DCC: variants seen among roughly 807,000 people sequenced by gnomAD.
DCC encodes netrin receptor DCC.
DCC carries 58 observed loss-of-function variants against 172.5 expected under a neutral mutation model. The ratio of observed to expected loss-of-function variants is 0.34; its 90% CI spans 0.27 to 0.42. The LOEUF (loss-of-function observed/expected upper bound fraction) is 0.42. DCC is among the 10% of genes least tolerant of loss of function. DCC has a pLI of 1.00. For synonymous variants in DCC, 709 were observed against 644.5 expected, an observed-to-expected ratio of 1.10 and a Z score of -1.52; for missense variants, 1,740 against 1,791.0, an observed-to-expected ratio of 0.97 and a Z score of 0.51.
intron 5 of DCC, among the ~76,000 whole-genome samples, chr18:53,034,108 C>T (rs1222640392): frequency 6.6e-6 from 1 of 151,892 alleles, no homozygotes; most frequent in Non-Finnish European, 1.5e-5. Flanking sequence ...AGATGATATT[C>T]TTCAGTCTCT....
At chr18:52,784,541 C>T (rs77105189) in intron 2 of DCC, among the ~76,000 whole-genome samples, 1 of 151,898 alleles carries the variant, frequency 6.6e-6, no homozygotes, top group Non-Finnish European at 1.5e-5. Context: ...ACAGTATATA[C>T]GGGTTCAATT....
At chr18:52,531,377 T>C (rs1282489997) in intron 1 of DCC, among the ~76,000 whole-genome samples, 2 of 152,236 alleles carry the variant, frequency 1.3e-5, no homozygotes, top group Admixed American at 6.5e-5. Context: ...AGTTCTCTTC[T>C]ACATTTGCCA....
intron 12 of DCC, among the ~76,000 whole-genome samples, chr18:53,271,378 G>T (rs1272467733): frequency 1.3e-5 from 2 of 152,176 alleles, no homozygotes; most frequent in East Asian, 1.9e-4. Flanking sequence ...TACATCATCT[G>T]CCAGTTCCTA....
intron 2 of DCC, among the ~76,000 whole-genome samples, chr18:52,811,718 A>G (rs1182859180): frequency 6.6e-6 from 1 of 152,138 alleles, no homozygotes; most frequent in Non-Finnish European, 1.5e-5. Context: ...GTAGCTTTTC[A>G]TTATTTTTAT....
intron 15 of DCC, among the ~76,000 whole-genome samples, chr18:53,342,746 T>C (rs2057675125): frequency 1.5e-5 from 2 of 132,590 alleles, no homozygotes; most frequent in Non-Finnish European, 1.7e-5. Context: ...TATATATATA[T>C]ATGGATATAA....
intron 2 of DCC, among the ~76,000 whole-genome samples, chr18:52,875,096 A>G (rs913616367): frequency 2.0e-5 from 3 of 152,080 alleles, no homozygotes; most frequent in African/African-American, 2.4e-5. Context: ...CATCAACGCA[A>G]TGTTCCAGGC....
chr18:53,227,454 G>T (rs926119704), intron 12 of DCC, among the ~76,000 whole-genome samples: 1 of 152,022 alleles, frequency 6.6e-6, no homozygotes, highest in East Asian at 1.9e-4. Flanking sequence ...GCCTCCATTA[G>T]TTTTCCAAAG....
At chr18:52,788,861 G>A (rs917354055) in intron 2 of DCC, among the ~76,000 whole-genome samples, 2 of 152,124 alleles carry the variant, frequency 1.3e-5, no homozygotes, top group African/African-American at 4.8e-5. Context: ...AAAGGAGGGA[G>A]AGCCTATGGG....
At chr18:52,668,338 T>G (rs1242517931) in intron 1 of DCC, among the ~76,000 whole-genome samples, 2 of 152,200 alleles carry the variant, frequency 1.3e-5, no homozygotes, top group African/African-American at 4.8e-5. Flanking sequence ...GCTAATAAGA[T>G]TTTAGATTTT....
intron 5 of DCC, among the ~76,000 whole-genome samples, chr18:52,991,656 G>A (rs908076746): frequency 1.3e-5 from 2 of 152,022 alleles, no homozygotes; most frequent in African/African-American, 2.4e-5. Context: ...TTACCCTCTC[G>A]ATTGGTACTG....
At chr18:53,449,764 T>C (rs1331781206) in intron 22 of DCC, among the ~76,000 whole-genome samples, 1 of 152,154 alleles carries the variant, frequency 6.6e-6, no homozygotes, top group Non-Finnish European at 1.5e-5. Flanking sequence ...TTATGCGCCA[T>C]AAACTCACCC....
intron 2 of DCC, among the ~76,000 whole-genome samples, chr18:52,815,944 G>A (rs2038289131): frequency 6.6e-6 from 1 of 152,000 alleles, no homozygotes; most frequent in Admixed American, 6.5e-5. Context: ...ACTTTATTAG[G>A]CTACAGATAG....
intron 1 of DCC, among the ~76,000 whole-genome samples, chr18:52,437,199 A>C (rs374300274): frequency 1.2e-4 from 18 of 152,324 alleles, no homozygotes; most frequent in Admixed American, 2.6e-4. Context: ...CAAATTGCCA[A>C]ATGGGGAAGA....
At chr18:52,513,523 T>A (rs1047455696) in intron 1 of DCC, among the ~76,000 whole-genome samples, 1 of 152,196 alleles carries the variant, frequency 6.6e-6, no homozygotes, top group Admixed American at 6.5e-5. Context: ...CAAACAAACC[T>A]ATAAGTATTT....
chr18:53,320,958 G>A (rs2057404312), intron 13 of DCC, among the ~76,000 whole-genome samples: 1 of 152,078 alleles, frequency 6.6e-6, no homozygotes, highest in Non-Finnish European at 1.5e-5. Context: ...TTATCAAATG[G>A]TCTAATAGTA....
chr18:52,699,169 T>A, intron 1 of DCC, among the ~76,000 whole-genome samples: 1 of 152,118 alleles, frequency 6.6e-6, no homozygotes, highest in Admixed American at 6.5e-5. Flanking sequence ...GATCAGAAAG[T>A]AACAGTTCCA....
At chr18:53,360,902 G>T (rs1196847172) in intron 15 of DCC, among the ~76,000 whole-genome samples, 1 of 152,152 alleles carries the variant, frequency 6.6e-6, no homozygotes, top group Non-Finnish European at 1.5e-5. Flanking sequence ...TCTTTAAAAG[G>T]TGTACTGGTT....
chr18:52,865,254 G>A (rs552997506), intron 2 of DCC, among the ~76,000 whole-genome samples: 1 of 152,234 alleles, frequency 6.6e-6, no homozygotes, highest in African/African-American at 2.4e-5. Flanking sequence ...GGGCATTTGG[G>A]TTGGTTCCAA....
At chr18:52,428,946 A>G (rs1987531012) in intron 1 of DCC, among the ~76,000 whole-genome samples, 1 of 152,074 alleles carries the variant, frequency 6.6e-6, no homozygotes, top group African/African-American at 2.4e-5. Flanking sequence ...TGAACTTCTC[A>G]TGTTGCAGAA....
Sources: allele counts gnomAD v4.1 joint callset (sites outside exome capture counted in the v4.1 genomes callset), GRCh38; gene constraint gnomAD v4.1.1; transcripts MANE v1.5; gene names NCBI Gene and HGNC (gene_info 2026-07-23, HGNC 2026-07-21).